Variants in ADGRL2 observed in about 807,000 individuals in gnomAD.
ADGRL2 encodes the protein calcium-independent alpha-latrotoxin receptor 2.
ADGRL2 carries 44 observed loss-of-function variants against 157.4 expected under a neutral mutation model. That is an observed-to-expected ratio of 0.28 (90% CI 0.22 to 0.36). ADGRL2 has a LOEUF of 0.36. Ranked by LOEUF, ADGRL2 falls within the 10% of genes least tolerant of loss-of-function variation. The probability of loss-of-function intolerance (pLI) is 1.00; values close to 1 mark genes in which losing one functional copy is unlikely to be tolerated. For synonymous variants in ADGRL2, 585 were observed against 624.7 expected (o/e 0.94, Z 0.95); for missense variants, 1,510 against 1,768.9 (o/e 0.85, Z 2.63).
Position 81,479,895 on chromosome 1 carries a change from C to G in ADGRL2, c.-248+34806C>G, listed in dbSNP as rs573321575. ...TTTGTTCTCTTAACTCAAAATCACACTTTTATTAGTAACATTTTAAGTCAA... is the reference window on the plus strand; with the variant it reads ...TTTGTTCTCTTAACTCAAAATCACAGTTTTATTAGTAACATTTTAAGTCAA... On this transcript the variant is annotated intron_variant, in intron 2 of 24. Coordinates refer to the ADGRL2 transcript ENST00000370721. Among the ~76,000 whole-genome samples, 20 of 152,258 alleles carry G rather than the reference C, an allele frequency of 1.3e-4. No individual in the cohort carries two copies. The South Asian group carries it at 3.9e-3, about 30-fold the overall frequency.
chr1:81,898,190 A>G (rs535751357), intron 2 of ADGRL2, among the ~76,000 whole-genome samples: 1 of 152,338 alleles, frequency 6.6e-6, no homozygotes, highest in East Asian at 1.9e-4. Context: ...GACTGAGTTG[A>G]TGATTGTGTA....
chr1:81,652,953 A>G (rs1022601754), intron 3 of ADGRL2, among the ~76,000 whole-genome samples: 1 of 152,120 alleles, frequency 6.6e-6, no homozygotes, highest in Admixed American at 6.5e-5. Flanking sequence ...CAATTTGTTA[A>G]TTAAAGTGAA....
intron 1 of ADGRL2, among the ~76,000 whole-genome samples, chr1:81,753,825 G>T (rs1400945869): frequency 6.6e-6 from 1 of 152,092 alleles, no homozygotes; most frequent in Non-Finnish European, 1.5e-5. Flanking sequence ...CTGGAAAGTT[G>T]TCATTATTAC....
chr1:81,949,806 T>C (rs529723982), intron 6 of ADGRL2, among the ~76,000 whole-genome samples: 1 of 152,336 alleles, frequency 6.6e-6, no homozygotes, highest in East Asian at 1.9e-4. Context: ...ATTTGATTGC[T>C]TATAGAATGT....
chr1:81,878,000 A>G (rs1424464114), intron 2 of ADGRL2, among the ~76,000 whole-genome samples: 5 of 152,178 alleles, frequency 3.3e-5, no homozygotes. Context: ...ATAAAAATCC[A>G]TAATTTTCCA....
intron 2 of ADGRL2, among the ~76,000 whole-genome samples, chr1:81,447,651 T>G (rs145625140): frequency 1.3e-5 from 2 of 152,212 alleles, no homozygotes; most frequent in African/African-American, 4.8e-5. Context: ...TGAAGGGACC[T>G]CAAAGAAAAA....
intron 1 of ADGRL2, among the ~76,000 whole-genome samples, chr1:81,422,803 A>G (rs967477161): frequency 6.6e-6 from 1 of 152,262 alleles, no homozygotes; most frequent in African/African-American, 2.4e-5. Context: ...CAAATAATAC[A>G]TACAAAGTAC....
At chr1:81,966,750 A>G (rs1657168127) in intron 13 of ADGRL2, 141 bp downstream of exon 13, 1 of 710,204 alleles carries the variant, frequency 1.4e-6, no homozygotes, top group Middle Eastern at 3.8e-4. Flanking sequence ...TGAATTTTAA[A>G]TGTTGGACTA....
At chr1:81,479,298 C>A (rs1460811121) in intron 2 of ADGRL2, among the ~76,000 whole-genome samples, 2 of 150,488 alleles carry the variant, frequency 1.3e-5, no homozygotes, top group East Asian at 2.0e-4. Flanking sequence ...CATGGCAAAA[C>A]CCTGTCTCTA....
At chr1:81,594,710 T>TA (rs2081198927) in intron 3 of ADGRL2, among the ~76,000 whole-genome samples, 1 of 152,210 alleles carries the variant, frequency 6.6e-6, no homozygotes, top group African/African-American at 2.4e-5. Context: ...AAAATCCATT[T>TA]AAAAAATTAG....
intron 2 of ADGRL2, chr1:81,761,977 T>C (rs1054472963): frequency 2.6e-5 from 4 of 152,098 alleles, no homozygotes; most frequent in African/African-American, 9.7e-5. Flanking sequence ...ATAATGTAGT[T>C]TATACTTTTG....
intron 2 of ADGRL2, among the ~76,000 whole-genome samples, chr1:81,842,447 T>A (rs1483546797): frequency 7.6e-6 from 1 of 131,826 alleles, no homozygotes; most frequent in Non-Finnish European, 1.6e-5. Flanking sequence ...AACCTCCACC[T>A]CCCGGGTTCA....
rs1292655172 is a variant in ADGRL2, at chr1:81,708,665, C to CAT, written c.-143+8866_-143+8867dup. 2.6e-4 allele frequency among the ~76,000 whole-genome samples: 39 copies of CAT among 150,306 alleles called. No homozygotes were observed. The East Asian group carries it at 6.6e-3, about 25-fold the overall frequency. ...ATATATATATATATATACACACACA[C>CAT]ATATATATATCCTAAATTGTAAGCT... On this transcript the variant is annotated intron_variant, in intron 1 of 20. Coordinates refer to the ADGRL2 transcript ENST00000359929.
At chr1:81,346,109 A>G (rs968418104) in intron 1 of ADGRL2, among the ~76,000 whole-genome samples, 9 of 152,212 alleles carry the variant, frequency 5.9e-5, no homozygotes, top group Non-Finnish European at 2.9e-5. Flanking sequence ...ACGCTGATAA[A>G]TATTAGAAAT....
At chr1:81,633,510 C>T (rs2082053641) in intron 3 of ADGRL2, among the ~76,000 whole-genome samples, 2 of 144,610 alleles carry the variant, frequency 1.4e-5, no homozygotes, top group African/African-American at 2.6e-5. Context: ...GCAGGAGAAT[C>T]ACTTGAACTG....
At position 81,502,510 on chromosome 1, in the gene ADGRL2, C is replaced by G. The variant is rs927915593; in HGVS notation, c.-248+57421C>G. 7 of 1,613,910 alleles carry G rather than the reference C, an allele frequency of 4.3e-6. No homozygotes were observed. The African/African-American group carries it at 9.3e-5, about 22-fold the overall frequency. On this transcript the variant is annotated intron_variant, in intron 2 of 24. Transcript: ENST00000370721. ...CCATCAACCGAATCCCCATCATGGC[C>G]AAACAGATCCTGGACCTGTACATGC...
intron 1 of ADGRL2, among the ~76,000 whole-genome samples, chr1:81,830,369 AAG>A (rs2091858008): frequency 1.3e-5 from 2 of 152,220 alleles, no homozygotes; most frequent in African/African-American, 4.8e-5. Context: ...CAAGAAATGT[AAG>A]TTTAGATAAC....
intron 2 of ADGRL2, among the ~76,000 whole-genome samples, chr1:81,575,898 A>C (rs947058464): frequency 6.6e-6 from 1 of 152,164 alleles, no homozygotes; most frequent in African/African-American, 2.4e-5. Flanking sequence ...ACTACACAGA[A>C]TAGCATAATA....
chr1:81,812,584 C>A (rs2089983884), intron 1 of ADGRL2, among the ~76,000 whole-genome samples: 2 of 151,616 alleles, frequency 1.3e-5, no homozygotes, highest in African/African-American at 4.8e-5. Flanking sequence ...GCAGAACTGT[C>A]TTGTTTAAAT....
Sources: gnomAD v4.1 joint callset for allele counts (sites outside exome capture counted in the v4.1 genomes callset) on GRCh38, gnomAD v4.1.1 for gene constraint, MANE v1.5 for transcripts, NCBI Gene and HGNC (gene_info 2026-07-23, HGNC 2026-07-21) for gene names.